The following NSRP1 variants were observed in gnomAD, a reference collection of about 807,000 sequenced individuals.
NSRP1 encodes the protein coiled-coil domain containing 55.
Under a neutral mutation model 54.7 loss-of-function variants are expected in NSRP1, and 24 were observed. The observed-to-expected ratio is 0.44, with a 90% confidence interval of 0.32 to 0.62. The LOEUF (loss-of-function observed/expected upper bound fraction) is 0.62. Among genes scored for constraint, NSRP1 ranks in the 20% least tolerant of loss-of-function variants. The pLI, the probability that NSRP1 is intolerant of heterozygous loss-of-function variation, is 0.06. For synonymous variants in NSRP1, 210 were observed against 213.8 expected, an observed-to-expected ratio of 0.98 and a Z score of 0.15; for missense variants, 596 against 651.2, an observed-to-expected ratio of 0.92 and a Z score of 0.92.
chr17:30,117,758 T>C (rs1376198517), intron 1 of NSRP1, among the ~76,000 whole-genome samples: 2 of 133,328 alleles, frequency 1.5e-5, no homozygotes, highest in East Asian at 3.9e-4. Context: ...CCACTACACA[T>C]GTTTTTTTTT....
intron 2 of NSRP1, among the ~76,000 whole-genome samples, chr17:30,124,875 A>C (rs2071636570): frequency 6.6e-6 from 1 of 152,206 alleles, no homozygotes; most frequent in African/African-American, 2.4e-5. Flanking sequence ...CTTTTTACTG[A>C]GAAGTAAATT....
At chr17:30,162,182 G>A (rs967316035) in intron 2 of NSRP1, among the ~76,000 whole-genome samples, 1 of 151,956 alleles carries the variant, frequency 6.6e-6, no homozygotes, top group African/African-American at 2.4e-5. Flanking sequence ...GTGCCACCAT[G>A]CCCGGCTAAT....
chr17:30,165,934 CTG>C (rs1904715468), intron 2 of NSRP1, among the ~76,000 whole-genome samples: 1 of 151,892 alleles, frequency 6.6e-6, no homozygotes, highest in Non-Finnish European at 1.5e-5. Flanking sequence ...ATTAAGCACA[CTG>C]ATAAATATAC....
intron 2 of NSRP1, chr17:30,125,990 A>G (rs534433777): frequency 6.6e-6 from 1 of 152,316 alleles, no homozygotes; most frequent in Non-Finnish European, 1.5e-5. Context: ...CTATCAATTC[A>G]TAAGTGAGTG....
chr17:30,185,527 TA>T lies in NSRP1; in HGVS notation c.1533del (p.Glu512AsnfsTer9), dbSNP rs1261981928. 1 of 1,613,678 alleles carries T rather than the reference TA, an allele frequency of 6.2e-7. No homozygotes were observed. Among genetic ancestry groups the T allele is most frequent in the African/African-American group, 1.3e-5 (1 of 74,790 alleles). On this transcript the variant is annotated frameshift_variant, in exon 7 of 7. Transcript: ENST00000247026. LOFTEE classifies it high-confidence loss of function. Reference sequence around the variant, plus strand: ...TCACAGAGGAAGGGCAAGAGAAGGGTAAAGAACAAGAGAGACCACCTGAGGC... The same window carrying T: ...TCACAGAGGAAGGGCAAGAGAAGGGTAAGAACAAGAGAGACCACCTGAGGC... ...RLTEEGQEKG[K>X]EQERPPEAVS... is the part of the protein sequence containing the mutation.
intron 1 of NSRP1, chr17:30,117,217 GAGAC>G: frequency 3.2e-6 from 2 of 633,232 alleles, no homozygotes; most frequent in Non-Finnish European, 5.8e-6. Context: ...AGTGTGAAGA[GAGAC>G]AGTTCCTGGC....
At chr17:30,159,809 C>T (rs901436827) in intron 2 of NSRP1, among the ~76,000 whole-genome samples, 20 of 152,224 alleles carry the variant, frequency 1.3e-4, no homozygotes, top group South Asian at 2.1e-4. Flanking sequence ...CAGGCATGCA[C>T]CACCATGTCT....
chr17:30,147,906 G>C (rs1007632014), intron 2 of NSRP1, among the ~76,000 whole-genome samples: 1 of 151,886 alleles, frequency 6.6e-6, no homozygotes, highest in African/African-American at 2.4e-5. Flanking sequence ...CTGCTTCCCG[G>C]GTTCAAGCAA....
intron 2 of NSRP1, among the ~76,000 whole-genome samples, chr17:30,129,578 T>G (rs1164498419): frequency 6.6e-6 from 1 of 152,166 alleles, no homozygotes; most frequent in African/African-American, 2.4e-5. Flanking sequence ...AGTTGAAGGT[T>G]TGGTTTTCCT....
intron 2 of NSRP1, among the ~76,000 whole-genome samples, chr17:30,155,690 C>T (rs528081059): frequency 5.3e-5 from 8 of 152,246 alleles, no homozygotes; most frequent in South Asian, 4.1e-4. Flanking sequence ...GGACTACAGA[C>T]GTACACCATC....
chr17:30,146,875 G>A lies in NSRP1; in HGVS notation c.115-25667G>A, dbSNP rs1052109419. Among the ~76,000 whole-genome samples the A allele has an allele frequency of 2.6e-5, 4 of 152,258 alleles. No homozygotes were observed. The South Asian group carries it at 6.2e-4, about 24-fold the overall frequency. On this transcript the variant is annotated intron_variant, in intron 2 of 6. Transcript: ENST00000247026. ...CAAGGTGTTGGGATTACAGGCGCAA[G>A]CCACCACACCTGAGCCTAATCAGAT... is the stretch of plus-strand genomic sequence containing the variant.
intron 2 of NSRP1, among the ~76,000 whole-genome samples, chr17:30,119,590 C>T (rs897024236): frequency 1.3e-5 from 2 of 151,350 alleles, no homozygotes; most frequent in African/African-American, 4.9e-5. Context: ...GCAACCTCCG[C>T]CTCCTGGGTT....
At chr17:30,180,284 G>C (rs1905252469) in intron 5 of NSRP1, among the ~76,000 whole-genome samples, 1 of 152,138 alleles carries the variant, frequency 6.6e-6, no homozygotes, top group South Asian at 2.1e-4. Context: ...AGGCTCCCAA[G>C]TAGCTGGGAT....
At chr17:30,168,336 A>G (rs897637924) in intron 2 of NSRP1, 3 of 152,024 alleles carry the variant, frequency 2.0e-5, no homozygotes, top group African/African-American at 2.4e-5. Context: ...TTAGATTAAT[A>G]TATTTCCTTT....
intron 3 of NSRP1, among the ~76,000 whole-genome samples, chr17:30,176,737 C>T (rs1905140838): frequency 6.6e-6 from 1 of 151,574 alleles, no homozygotes; most frequent in Non-Finnish European, 1.5e-5. Context: ...GGGGAGTGAG[C>T]AGGAGTGCCA....
In NSRP1 at chr17:30,172,940, C is replaced by T. The variant is rs554898714; in HGVS notation, c.171+342C>T. Among the ~76,000 whole-genome samples, 8 of 151,148 alleles carry T rather than the reference C, an allele frequency of 5.3e-5. No homozygotes were observed. In the South Asian group the frequency reaches 1.7e-3, roughly 32 times the overall value. Reference sequence around the variant, plus strand: ...GAAAGAAGAATATCAGAGATAGATACAAATATATAGATATATAGATATATA... The same window carrying T: ...GAAAGAAGAATATCAGAGATAGATATAAATATATAGATATATAGATATATA... On this transcript the variant is annotated intron_variant, in intron 3 of 6. Coordinates refer to ENST00000247026, the MANE Select transcript of NSRP1 (RefSeq NM_032141.4).
At chr17:30,183,709 G>A (rs977607102) in intron 6 of NSRP1, among the ~76,000 whole-genome samples, 3 of 152,204 alleles carry the variant, frequency 2.0e-5, no homozygotes, top group East Asian at 1.9e-4. Context: ...TTGCCAGCTG[G>A]AACAATGAAG....
chr17:30,131,125 G>A (rs1490490466), intron 2 of NSRP1, among the ~76,000 whole-genome samples: 2 of 152,144 alleles, frequency 1.3e-5, no homozygotes, highest in African/African-American at 4.8e-5. Flanking sequence ...AAATTACTCA[G>A]TCTATGTCTT....
intron 2 of NSRP1, among the ~76,000 whole-genome samples, chr17:30,119,401 C>T (rs569777799): frequency 3.0e-4 from 46 of 151,978 alleles, no homozygotes; most frequent in African/African-American, 3.4e-4. Context: ...TTAGGAGAGA[C>T]GGGGTTTCAC....
Sources: allele counts gnomAD v4.1 joint callset (sites outside exome capture counted in the v4.1 genomes callset), GRCh38; gene constraint gnomAD v4.1.1; transcripts MANE v1.5; gene names NCBI Gene and HGNC (gene_info 2026-07-23, HGNC 2026-07-21).